Variants in SCAF4 observed in about 807,000 individuals in gnomAD.
SCAF4 encodes the protein SR-related and CTD-associated factor 4.
SCAF4 carries 25 observed loss-of-function variants against 129.8 expected under a neutral mutation model. That is an observed-to-expected ratio of 0.19 (90% CI 0.14 to 0.27). SCAF4 has a LOEUF of 0.27. SCAF4 is among the 10% of genes least tolerant of loss of function. The probability of loss-of-function intolerance (pLI) is 1.00; values close to 1 mark genes in which losing one functional copy is unlikely to be tolerated. For synonymous variants in SCAF4, 551 were observed against 497.7 expected (o/e 1.11, Z -1.43); for missense variants, 1,246 against 1,457.1 (o/e 0.86, Z 2.36).
intron 19 of SCAF4, 148 bp from the exon 20 acceptor site, chr21:31,672,502 G>C: frequency 1.5e-6 from 1 of 679,848 alleles, no homozygotes; most frequent in South Asian, 1.8e-5. Context: ...CCCAGTGTGA[G>C]GCCTAGTAAC....
intron 19 of SCAF4, chr21:31,684,798 A>T: frequency 2.0e-6 from 1 of 488,858 alleles, no homozygotes; most frequent in Non-Finnish European, 3.7e-6. Context: ...CCAAACTTTT[A>T]TTCAAGACAG....
Position 31,703,748 on chromosome 21 carries a change from T to G in SCAF4, c.321+17A>C. The G allele has an allele frequency of 7.5e-7, 1 of 1,336,636 alleles. No individual in the cohort carries two copies. The highest frequency in any genetic ancestry group is 1.5e-5 in the African/African-American group (1 of 68,452). The allele number at this position is 1,336,636 out of a possible 1,614,324, so 82.8% of individuals were successfully genotyped here. A position where few individuals can be genotyped will look rare whatever the true frequency, so the allele number is the denominator to read the frequency against. On this transcript the variant is annotated intron_variant, in intron 4 of 19. Coordinates refer to ENST00000286835, the MANE Select transcript of SCAF4 (RefSeq NM_020706.2). Reference sequence around the variant, plus strand: ...TTTTTTAAAGAATACAAGTTTTAGTTTAAAAATTAATTATACCTTATCTTC... The same window carrying G: ...TTTTTTAAAGAATACAAGTTTTAGTGTAAAAATTAATTATACCTTATCTTC...
At chr21:31,712,778 C>T in intron 1 of SCAF4, 1 of 422,376 alleles carries the variant, frequency 2.4e-6, no homozygotes. Flanking sequence ...GATCCACCCA[C>T]CTCGGCCTCC....
At chr21:31,708,793 T>C (rs1424119856) in intron 1 of SCAF4, among the ~76,000 whole-genome samples, 2 of 152,202 alleles carry the variant, frequency 1.3e-5, no homozygotes, top group East Asian at 3.9e-4. Flanking sequence ...ATGTGATTCA[T>C]GCCAAACACT....
At chr21:31,682,737 G>A (rs1433193125) in intron 19 of SCAF4, among the ~76,000 whole-genome samples, 2 of 152,138 alleles carry the variant, frequency 1.3e-5, no homozygotes, top group African/African-American at 4.8e-5. Flanking sequence ...GAAAACATTA[G>A]AGCACCAAGA....
intron 1 of SCAF4, among the ~76,000 whole-genome samples, chr21:31,715,154 C>G (rs949918700): frequency 3.3e-5 from 5 of 152,150 alleles, no homozygotes; most frequent in African/African-American, 1.2e-4. Context: ...AGGGAAGAAT[C>G]TATTTCTTGT....
intron 1 of SCAF4, among the ~76,000 whole-genome samples, chr21:31,726,604 G>C (rs1324121144): frequency 6.6e-6 from 1 of 152,210 alleles, no homozygotes; most frequent in Non-Finnish European, 1.5e-5. Flanking sequence ...GGCGGAGGTT[G>C]CAATGGGTGG....
chr21:31,712,671 G>A (rs1167393125), intron 1 of SCAF4, among the ~76,000 whole-genome samples: 1 of 151,942 alleles, frequency 6.6e-6, no homozygotes, highest in Admixed American at 6.6e-5. Flanking sequence ...TGGGATTACA[G>A]GCGCCTGCCA....
At chr21:31,710,525 G>A (rs757287850) in intron 1 of SCAF4, among the ~76,000 whole-genome samples, 5 of 151,998 alleles carry the variant, frequency 3.3e-5, no homozygotes, top group Non-Finnish European at 5.9e-5. Flanking sequence ...CTCCAGCCTG[G>A]GATACAGACC....
intron 13 of SCAF4, 154 bp from the exon 14 acceptor site, chr21:31,692,084 C>A: frequency 1.7e-6 from 1 of 586,174 alleles, no homozygotes; most frequent in Non-Finnish European, 3.0e-6. Flanking sequence ...CAAGTTTGGT[C>A]TCAACTGAGT....
intron 1 of SCAF4, among the ~76,000 whole-genome samples, chr21:31,731,338 G>C (rs1172559555): frequency 6.6e-6 from 1 of 152,252 alleles, no homozygotes; most frequent in African/African-American, 2.4e-5. Flanking sequence ...GCGGAGCAGA[G>C]AGCGAGGGCG....
intron 1 of SCAF4, among the ~76,000 whole-genome samples, chr21:31,726,348 G>A (rs780556582): frequency 7.2e-5 from 11 of 152,104 alleles, no homozygotes; most frequent in Non-Finnish European, 1.3e-4. Flanking sequence ...CCTGGCGGTG[G>A]CCCTTAACCT....
rs190294669 is a variant in SCAF4 at position 31,694,483 on chromosome 21, T to A, written c.1237-194A>T. Among the ~76,000 whole-genome samples, 197 of 152,342 alleles carry A rather than the reference T, an allele frequency of 1.3e-3. 1 individual carries two copies. Among genetic ancestry groups the A allele is most frequent in the South Asian group, 0.01 (49 of 4,832 alleles). ...AAAAACAAAAACCACTTTTATATTG[T>A]TTAAAAGATTAAAAGAAATATTTCT... On this transcript the variant is annotated intron_variant, in intron 10 of 19. Transcript: ENST00000286835.
intron 7 of SCAF4, among the ~76,000 whole-genome samples, chr21:31,697,733 T>C (rs932169347): frequency 6.6e-6 from 1 of 152,210 alleles, no homozygotes; most frequent in Non-Finnish European, 1.5e-5. Flanking sequence ...GAACAACACA[T>C]TTCTAAATCA....
chr21:31,705,676 A>G (rs1177687814), intron 2 of SCAF4, among the ~76,000 whole-genome samples: 1 of 152,132 alleles, frequency 6.6e-6, no homozygotes, highest in Non-Finnish European at 1.5e-5. Flanking sequence ...CCCCAAACAG[A>G]AGATCCCTTT....
Position 31,685,732 on chromosome 21 carries a change from A to C in SCAF4, c.2045T>G (p.Val682Gly). The stretch of plus-strand genomic sequence containing the variant: ...AGGTGGACCCGGTTGATGTGGTGGG[A>C]CCTAGAAAGAAAGATAAAAGAATAA... Reference protein sequence around the residue: ...PAPITVPPPQVPPHQPGPPVV... With the variant: ...PAPITVPPPQGPPHQPGPPVV... Residue 682 changes from valine (V) to glycine (G), a missense_variant and splice_region_variant, in exon 17 of 20, where the codon GTC (valine) becomes GGC (glycine). By Grantham distance (109) the Val-to-Gly change is moderately radical. Around this residue, in one of 6 missense-constraint regions of SCAF4, gnomAD observed 468 missense variants for 605.5 expected, o/e 0.77. Coordinates refer to ENST00000286835, the MANE Select transcript of SCAF4 (RefSeq NM_020706.2). The C allele has an allele frequency of 1.3e-6, 2 of 1,574,082 alleles. No individual in the cohort carries two copies. The highest frequency in any genetic ancestry group is 8.6e-7 in the Non-Finnish European group (1 of 1,164,434).
chr21:31,701,038 T>C lies in SCAF4; in HGVS notation c.734A>G (p.Lys245Arg). Residue 245 changes from lysine to arginine, a missense_variant, in exon 7 of 20, where the codon AAA becomes AGA. By Grantham distance (26) the Lys-to-Arg change is conservative. This residue lies in a region of SCAF4 where 143 missense variants were observed against 161.0 expected (regional missense o/e 0.89). Coordinates refer to ENST00000286835, the MANE Select transcript of SCAF4 (RefSeq NM_020706.2). ...CTGTTCAGGTGGGGGGAAAGCAGCT[T>C]TTTGTTCAGATGGTTGTGTAGGAGT... ...KTTPTQPSEQ[K>R]AAFPPPEQKT... is the part of the protein sequence containing the mutation. 1 of 1,614,106 alleles carries C rather than the reference T, an allele frequency of 6.2e-7. No homozygotes were observed. Among genetic ancestry groups the C allele is most frequent in the Middle Eastern group, 1.6e-4 (1 of 6,062 alleles).
At chr21:31,712,615 G>A (rs765947354) in intron 1 of SCAF4, among the ~76,000 whole-genome samples, 10 of 141,844 alleles carry the variant, frequency 7.1e-5, no homozygotes, top group Non-Finnish European at 1.5e-4. Flanking sequence ...TGCAACCTCC[G>A]CCTCCCCGGT....
intron 1 of SCAF4, among the ~76,000 whole-genome samples, chr21:31,730,130 C>T (rs2051312431): frequency 6.6e-6 from 1 of 152,168 alleles, no homozygotes; most frequent in Non-Finnish European, 1.5e-5. Flanking sequence ...ATTTGCGAGG[C>T]ACCTGTTTTG....
Sources: allele counts gnomAD v4.1 joint callset (sites outside exome capture counted in the v4.1 genomes callset), GRCh38; gene constraint gnomAD v4.1.1; regional missense constraint gnomAD v4.1.1; transcripts MANE v1.5; gene names NCBI Gene and HGNC (gene_info 2026-07-23, HGNC 2026-07-21).